TM9SF2: variants seen among roughly 807,000 people sequenced by gnomAD.
The protein encoded by TM9SF2 is transmembrane 9 superfamily member 2, also known as 76 kDa membrane protein.
Under a neutral mutation model 84.9 loss-of-function variants are expected in TM9SF2, and 13 were observed. That is an observed-to-expected ratio of 0.15 (90% CI 0.10 to 0.24). The LOEUF (loss-of-function observed/expected upper bound fraction) is 0.24, where lower values mean the gene tolerates loss of function less well. Ranked by LOEUF, TM9SF2 falls within the 10% of genes least tolerant of loss-of-function variation. The pLI is 1.00. For missense variants in TM9SF2, 562 were observed against 818.5 expected (o/e 0.69, Z 3.82); for synonymous variants, 273 against 285.8 (o/e 0.96, Z 0.45).
rs761586298 is a variant in TM9SF2 at position 99,536,684 on chromosome 13, A to G, written c.538A>G (p.Ile180Val). 12 of 1,613,712 alleles carry G rather than the reference A, an allele frequency of 7.4e-6. No homozygotes were observed. Among genetic ancestry groups the G allele is most frequent in the East Asian group, 4.5e-5 (2 of 44,842 alleles). ...GQRFCNPGFP[I>V]GCYITDKGHA... The stretch of plus-strand genomic sequence containing the variant: ...GAGGTTCTGTAATCCTGGATTTCCT[A>G]TTGGCTGTTACATTACAGATAAAGG... The change falls in exon 5 of 17, where the codon ATT becomes GTT. Residue 180 changes from isoleucine (I) to valine (V), a missense_variant. This residue lies in a region of TM9SF2 where 267 missense variants were observed against 316.7 expected (regional missense o/e 0.84). Transcript: ENST00000376387.
Position 99,501,579 on chromosome 13 carries a change from T to G in TM9SF2, c.-28T>G, listed in dbSNP as rs754469699. ...TCCTTCCCTCTTGACCCCCTAGGTT[T>G]GATTGCCCTTTCCCCGAAACAACTA... is the stretch of plus-strand genomic sequence containing the variant. On this transcript the variant is annotated 5_prime_UTR_variant, in exon 1 of 17. Coordinates refer to ENST00000376387, the MANE Select transcript of TM9SF2 (RefSeq NM_004800.3). 2.5e-6 allele frequency: 4 copies of G among 1,607,838 alleles called. No homozygotes were observed. The East Asian group carries it at 9.0e-5, about 36-fold the overall frequency.
chr13:99,507,702 G>A (rs577325791), intron 1 of TM9SF2, among the ~76,000 whole-genome samples: 3 of 152,260 alleles, frequency 2.0e-5, no homozygotes, highest in East Asian at 1.9e-4. Flanking sequence ...CGCCACTGTG[G>A]ACTGCTCTAA....
intron 3 of TM9SF2, among the ~76,000 whole-genome samples, chr13:99,525,823 G>A (rs2046180610): frequency 6.6e-6 from 1 of 152,202 alleles, no homozygotes; most frequent in Non-Finnish European, 1.5e-5. Flanking sequence ...CCAAAGTGCT[G>A]GGATTACAGG....
intron 1 of TM9SF2, 54 bp downstream of exon 1, chr13:99,501,831 C>T (rs941582991): frequency 3.0e-5 from 47 of 1,559,828 alleles, no homozygotes; most frequent in Non-Finnish European, 4.0e-5. Flanking sequence ...GAAGTCGTCC[C>T]TATCCGGGGG....
chr13:99,552,410 G>A, intron 13 of TM9SF2, 84 bp downstream of exon 13: 2 of 1,323,494 alleles, frequency 1.5e-6, no homozygotes, highest in Non-Finnish European at 2.1e-6. Context: ...CCATAAAAGT[G>A]TGTAAAGATG....
chr13:99,521,403 C>T lies in TM9SF2; in HGVS notation c.333+1274C>T, dbSNP rs559042964. ...TGACTCCAGGTGTTATTCCCCAGCC[C>T]GACAGCTTCCTCTCCTGGCTTCGCG... On this transcript the variant is annotated intron_variant, in intron 3 of 16. Transcript: ENST00000376387. 7.4e-4 allele frequency among the ~76,000 whole-genome samples: 113 copies of T among 152,278 alleles called. 1 individual carries two copies. The highest frequency in any genetic ancestry group is 9.8e-4 in the Non-Finnish European group (67 of 68,028).
intron 1 of TM9SF2, among the ~76,000 whole-genome samples, chr13:99,511,823 T>C (rs780090263): frequency 3.3e-5 from 5 of 152,168 alleles, no homozygotes; most frequent in Admixed American, 6.5e-5. Context: ...GGAAGAAAAG[T>C]AGAGGAATAA....
intron 1 of TM9SF2, among the ~76,000 whole-genome samples, chr13:99,503,709 CAAAAAAAAAAA>C (rs386380419): frequency 1.3e-5 from 1 of 78,502 alleles, no homozygotes; most frequent in African/African-American, 5.1e-5. Flanking sequence ...GACTTTGTCT[CAAAAAAAAAAA>C]AAAAAAAAAA....
Position 99,552,313 on chromosome 13 carries a change from G to C in TM9SF2, c.1475G>C (p.Gly492Ala). The C allele has an allele frequency of 6.2e-7, 1 of 1,613,014 alleles. No homozygotes were observed. The highest frequency in any genetic ancestry group is 8.5e-7 in the Non-Finnish European group (1 of 1,179,644). ...VPLTFIGAYF[G>A]FKKNAIEHPV... is the part of the protein sequence containing the mutation. ...CTGACGTTTATTGGTGCATACTTTGGTTTTAAGAAGAATGTAAGTTTATAG... is the reference window on the plus strand; with the variant it reads ...CTGACGTTTATTGGTGCATACTTTGCTTTTAAGAAGAATGTAAGTTTATAG... Residue 492 changes from glycine to alanine, a missense_variant, in exon 13 of 17, where the codon GGT becomes GCT. This residue lies in a region of TM9SF2 where 219 missense variants were observed against 338.1 expected (regional missense o/e 0.65). Transcript: ENST00000376387.
At chr13:99,539,366 C>T (rs968397496) in intron 6 of TM9SF2, 80 bp from the exon 7 acceptor site, 14 of 818,342 alleles carry the variant, frequency 1.7e-5, no homozygotes, top group Middle Eastern at 2.3e-4. Context: ...TTTTAAAATA[C>T]GTACAAAATC....
intron 1 of TM9SF2, among the ~76,000 whole-genome samples, chr13:99,509,238 C>T (rs953164347): frequency 2.0e-5 from 3 of 152,180 alleles, no homozygotes; most frequent in Non-Finnish European, 4.4e-5. Flanking sequence ...CTTTTCCAGG[C>T]ACAGGGTGTA....
intron 2 of TM9SF2, among the ~76,000 whole-genome samples, chr13:99,518,763 ATTTTTTTTTTTT>A (rs34847688): frequency 4.7e-5 from 6 of 128,636 alleles, no homozygotes; most frequent in African/African-American, 1.7e-4. Flanking sequence ...TGCCCAGCTA[ATTTTTTTTTTTT>A]TTTTTTTTTT....
chr13:99,521,120 T>C (rs1336346807), intron 3 of TM9SF2, among the ~76,000 whole-genome samples: 1 of 152,102 alleles, frequency 6.6e-6, no homozygotes, highest in Non-Finnish European at 1.5e-5. Flanking sequence ...AACATTAAAG[T>C]AGTTTATTAT....
At chr13:99,502,979 C>G (rs2046073127) in intron 1 of TM9SF2, among the ~76,000 whole-genome samples, 1 of 152,120 alleles carries the variant, frequency 6.6e-6, no homozygotes, top group South Asian at 2.1e-4. Context: ...CTGTGCAAAA[C>G]CTTGTATCTG....
At chr13:99,524,251 A>G (rs1048894588) in intron 3 of TM9SF2, among the ~76,000 whole-genome samples, 1 of 152,192 alleles carries the variant, frequency 6.6e-6, no homozygotes, top group Non-Finnish European at 1.5e-5. Flanking sequence ...GGAGACCAGT[A>G]GGAGGCCTTC....
chr13:99,554,128 A>C (rs1229058243), intron 13 of TM9SF2, among the ~76,000 whole-genome samples, 176 bp from the exon 14 acceptor site: 1 of 152,192 alleles, frequency 6.6e-6, no homozygotes, highest in African/African-American at 2.4e-5. Context: ...ATTGTACCTG[A>C]TGGTACCTGG....
chr13:99,541,807 A>C (rs1240151302), intron 9 of TM9SF2, 140 bp downstream of exon 9: 2 of 543,718 alleles, frequency 3.7e-6, no homozygotes, highest in Non-Finnish European at 6.3e-6. Context: ...AATTCTTCTC[A>C]AAAGTTATCT....
chr13:99,527,779 C>G (rs2046190436), intron 3 of TM9SF2, among the ~76,000 whole-genome samples: 1 of 152,120 alleles, frequency 6.6e-6, no homozygotes, highest in Admixed American at 6.5e-5. Flanking sequence ...TAGTGAATAC[C>G]TATTTTCATC....
At chr13:99,552,382 A>G (rs1170696779) in intron 13 of TM9SF2, 56 bp downstream of exon 13, 3 of 1,524,832 alleles carry the variant, frequency 2.0e-6, no homozygotes, top group Non-Finnish European at 1.8e-6. Context: ...AAATTAGCAT[A>G]TGCCATCTCA....
Sources: allele counts gnomAD v4.1 joint callset (sites outside exome capture counted in the v4.1 genomes callset), GRCh38; gene constraint gnomAD v4.1.1; regional missense constraint gnomAD v4.1.1; transcripts MANE v1.5; gene names NCBI Gene and HGNC (gene_info 2026-07-23, HGNC 2026-07-21).